RHBDD1: variants seen among roughly 807,000 people sequenced by gnomAD.
RHBDD1 encodes the protein rhomboid-related protein 4.
Under a neutral mutation model 36.3 loss-of-function variants are expected in RHBDD1, and 38 were observed. The observed-to-expected ratio is 1.05, with a 90% CI of 0.81 to 1.37. RHBDD1 has a LOEUF of 1.37. Ranked by LOEUF, RHBDD1 falls within the 40% of genes most tolerant of loss-of-function variation. The pLI, the probability that RHBDD1 is intolerant of heterozygous loss-of-function variation, is 0.00. For missense variants in RHBDD1, 393 were observed against 377.6 expected, an observed-to-expected ratio of 1.04 and a Z score of -0.34; for synonymous variants, 151 against 136.5, an observed-to-expected ratio of 1.11 and a Z score of -0.74.
chr2:226,871,610 GATATCAGATCTCTCGTTTTATAGA>G (rs1453872037), intron 5 of RHBDD1, among the ~76,000 whole-genome samples: 1 of 152,128 alleles, frequency 6.6e-6, no homozygotes, highest in African/African-American at 2.4e-5. Context: ...ACATTTTAAA[GATATCAGATCTCTCGTTTTATAGA>G]ATATCCCACA....
chr2:226,887,343 A>G (rs747749704), intron 5 of RHBDD1, among the ~76,000 whole-genome samples: 13 of 152,204 alleles, frequency 8.5e-5, no homozygotes, highest in Non-Finnish European at 1.6e-4. Context: ...ATTTCATTCA[A>G]TGAGTTCTTA....
upstream of RHBDD1, among the ~76,000 whole-genome samples, chr2:226,834,533 A>G (rs1940823574): frequency 1.3e-5 from 2 of 152,230 alleles, no homozygotes; most frequent in African/African-American, 4.8e-5. Flanking sequence ...ACACCTATGC[A>G]TGAGCCACAT....
intron 3 of RHBDD1, among the ~76,000 whole-genome samples, chr2:226,858,171 C>T (rs1472800437): frequency 2.6e-5 from 4 of 152,134 alleles, no homozygotes; most frequent in Non-Finnish European, 4.4e-5. Context: ...TTGAACAAAC[C>T]TAAATTTTCC....
intron 8 of RHBDD1, among the ~76,000 whole-genome samples, chr2:226,989,345 T>C (rs1486563798): frequency 6.6e-6 from 1 of 152,204 alleles, no homozygotes; most frequent in Non-Finnish European, 1.5e-5. Context: ...GAAAAATCTA[T>C]AGTTAGAAAT....
chr2:226,850,183 C>T (rs1386804802), intron 3 of RHBDD1, among the ~76,000 whole-genome samples: 1 of 152,212 alleles, frequency 6.6e-6, no homozygotes, highest in Non-Finnish European at 1.5e-5. Context: ...AGGTAACTAA[C>T]ACAATGAATA....
chr2:226,957,270 G>T (rs967012537), intron 8 of RHBDD1, among the ~76,000 whole-genome samples: 2 of 152,194 alleles, frequency 1.3e-5, no homozygotes, highest in African/African-American at 4.8e-5. Context: ...TAATCTAAAT[G>T]TAAGAGCTAA....
At chr2:226,988,257 A>G (rs745636498) in intron 8 of RHBDD1, 133 of 1,373,254 alleles carry the variant, frequency 9.7e-5, no homozygotes, top group Admixed American at 4.3e-4. Context: ...GACTCATATC[A>G]GGGCCCTGAG....
intron 8 of RHBDD1, among the ~76,000 whole-genome samples, chr2:226,956,015 C>A (rs1951765535): frequency 6.6e-6 from 1 of 152,148 alleles, no homozygotes; most frequent in Non-Finnish European, 1.5e-5. Flanking sequence ...ATATTGCAGT[C>A]CCCATGACAG....
intron 5 of RHBDD1, among the ~76,000 whole-genome samples, chr2:226,870,884 TA>T (rs1371162603): frequency 5.3e-5 from 8 of 152,094 alleles, no homozygotes; most frequent in South Asian, 2.1e-4. Context: ...AGGAGGAGAA[TA>T]GGGGGAGGAG....
chr2:226,994,583 T>G (rs1396621486), intron 8 of RHBDD1, among the ~76,000 whole-genome samples: 1 of 152,198 alleles, frequency 6.6e-6, no homozygotes, highest in African/African-American at 2.4e-5. Flanking sequence ...TTGGTCCCCA[T>G]GCTTAGAAGT....
intron 8 of RHBDD1, among the ~76,000 whole-genome samples, chr2:226,942,995 A>G (rs745581543): frequency 5.3e-5 from 8 of 152,224 alleles, no homozygotes; most frequent in Non-Finnish European, 1.0e-4. Context: ...TCTTACAGTT[A>G]TACCCATTCT....
intron 8 of RHBDD1, among the ~76,000 whole-genome samples, chr2:226,938,378 T>G (rs1039209641): frequency 1.4e-4 from 21 of 152,134 alleles, no homozygotes; most frequent in African/African-American, 4.6e-4. Flanking sequence ...TCTTCCCTTC[T>G]GTAGTTGGTT....
At chr2:226,972,908 A>G (rs575264214) in intron 8 of RHBDD1, among the ~76,000 whole-genome samples, 2 of 150,628 alleles carry the variant, frequency 1.3e-5, no homozygotes, top group East Asian at 3.9e-4. Context: ...CTAAAGTTAA[A>G]GAAAGGAAGG....
At chr2:226,958,180 T>G (rs1426976789) in intron 8 of RHBDD1, among the ~76,000 whole-genome samples, 1 of 152,182 alleles carries the variant, frequency 6.6e-6, no homozygotes, top group Non-Finnish European at 1.5e-5. Context: ...ATGCATACGA[T>G]GGAATATTAT....
At chr2:226,876,434 A>G (rs1414451877) in intron 5 of RHBDD1, among the ~76,000 whole-genome samples, 1 of 152,220 alleles carries the variant, frequency 6.6e-6, no homozygotes, top group Non-Finnish European at 1.5e-5. Context: ...AACTTCCTAC[A>G]TGCCAAAAAC....
chr2:226,882,897 T>C (rs758989197), intron 5 of RHBDD1, among the ~76,000 whole-genome samples: 16 of 152,176 alleles, frequency 1.1e-4, no homozygotes, highest in Non-Finnish European at 2.2e-4. Flanking sequence ...ACATTCTCAC[T>C]GTGTCCTCAT....
At chr2:226,945,710 C>G (rs899759751) in intron 8 of RHBDD1, among the ~76,000 whole-genome samples, 2 of 152,124 alleles carry the variant, frequency 1.3e-5, no homozygotes, top group African/African-American at 4.8e-5. Context: ...ATTTCTGGTT[C>G]TAGATCCTTG....
intron 5 of RHBDD1, among the ~76,000 whole-genome samples, chr2:226,894,900 G>C (rs759117405): frequency 6.6e-6 from 1 of 152,152 alleles, no homozygotes; most frequent in Non-Finnish European, 1.5e-5. Flanking sequence ...AGGGAGTGTG[G>C]TCACACTGGC....
chr2:226,861,359 G>A (rs1943835773), intron 3 of RHBDD1, among the ~76,000 whole-genome samples: 1 of 152,150 alleles, frequency 6.6e-6, no homozygotes, highest in African/African-American at 2.4e-5. Context: ...TGGAGAGCTG[G>A]GAGGTGCGAA....
Sources: gnomAD v4.1 joint callset for allele counts (sites outside exome capture counted in the v4.1 genomes callset) on GRCh38, gnomAD v4.1.1 for gene constraint, MANE v1.5 for transcripts, NCBI Gene and HGNC (gene_info 2026-07-23, HGNC 2026-07-21) for gene names.